APBA2: variants seen among roughly 807,000 people sequenced by gnomAD.
The protein encoded by APBA2 is amyloid beta precursor protein binding family A member 2.
APBA2 carries 30 observed loss-of-function variants against 75.0 expected under a neutral mutation model. That is an observed-to-expected ratio of 0.40 (90% CI 0.30 to 0.54). APBA2 has a LOEUF of 0.54. Among genes scored for constraint, APBA2 ranks in the 20% least tolerant of loss-of-function variants. The pLI, the probability that APBA2 is intolerant of heterozygous loss-of-function variation, is 0.49. For synonymous variants in APBA2, 444 were observed against 409.6 expected (o/e 1.08, Z -1.01); for missense variants, 801 against 1,016.1 (o/e 0.79, Z 2.88).
chr15:29,065,742 T>A (rs1381490649), intron 4 of APBA2, among the ~76,000 whole-genome samples: 1 of 152,138 alleles, frequency 6.6e-6, no homozygotes, highest in Non-Finnish European at 1.5e-5. Flanking sequence ...TGAAGGAAGT[T>A]TGGGCTAGGC....
At chr15:28,916,531 G>A (rs1481010850) in intron 1 of APBA2, among the ~76,000 whole-genome samples, 2 of 152,048 alleles carry the variant, frequency 1.3e-5, no homozygotes, top group Non-Finnish European at 2.9e-5. Context: ...CTCTCTCCCC[G>A]CTCCCCTCCC....
At chr15:28,943,515 G>A (rs17680859) in intron 2 of APBA2, among the ~76,000 whole-genome samples, 17,886 of 152,226 alleles carry the variant, frequency 0.12, 1,133 homozygotes, top group East Asian at 0.23. Flanking sequence ...AATCCTGTTC[G>A]GTGGGTTAGG....
intron 8 of APBA2, among the ~76,000 whole-genome samples, chr15:29,097,375 T>A (rs974549810): frequency 2.6e-5 from 4 of 152,218 alleles, no homozygotes; most frequent in Non-Finnish European, 5.9e-5. Flanking sequence ...CTGGCCCTCC[T>A]CCCTCCCAGG....
chr15:29,111,973 T>C (rs996530394), intron 13 of APBA2, among the ~76,000 whole-genome samples: 1 of 152,090 alleles, frequency 6.6e-6, no homozygotes, highest in Non-Finnish European at 1.5e-5. Context: ...GCCTCTACTT[T>C]CAGGAGCCTG....
In APBA2 at chr15:29,114,028, C is replaced by CT. The variant is rs774668302; in HGVS notation, c.2178+15dup. 1.2e-6 allele frequency: 2 copies of CT among 1,613,710 alleles called. No individual in the cohort carries two copies. The highest frequency in any genetic ancestry group is 2.2e-5 in the East Asian group (1 of 44,880). ...ACTCGGTCGGAGAGGTAAGGAGGGA[C>CT]TTTGAGTGTGCCTCTGCATGCCGGT... On this transcript the variant is annotated intron_variant, in intron 14 of 14. Coordinates refer to ENST00000683413, the MANE Select transcript of APBA2 (RefSeq NM_001353788.2).
intron 3 of APBA2, among the ~76,000 whole-genome samples, chr15:29,013,682 T>G (rs1038852629): frequency 1.3e-5 from 2 of 152,158 alleles, no homozygotes; most frequent in Non-Finnish European, 2.9e-5. Context: ...AGGAAATAAA[T>G]AATGACCTTG....
At chr15:29,069,208 G>C (rs1373102148) in intron 4 of APBA2, among the ~76,000 whole-genome samples, 9 of 152,170 alleles carry the variant, frequency 5.9e-5, no homozygotes, top group African/African-American at 1.9e-4. Flanking sequence ...TTTTGTGGCT[G>C]AATGATATTC....
intron 7 of APBA2, 73 bp downstream of exon 7, chr15:29,093,293 G>A: frequency 6.3e-7 from 1 of 1,578,130 alleles, no homozygotes; most frequent in Non-Finnish European, 8.6e-7. Context: ...GAATATGGCG[G>A]GGCGTAGGCC....
chr15:29,080,031 G>A (rs927075518), intron 6 of APBA2, among the ~76,000 whole-genome samples: 10 of 152,176 alleles, frequency 6.6e-5, no homozygotes, highest in Admixed American at 2.0e-4. Context: ...ATGGCTGTGC[G>A]GGGGACAGAG....
intron 2 of APBA2, among the ~76,000 whole-genome samples, chr15:28,928,938 CTG>C (rs1566807895): frequency 6.6e-6 from 1 of 152,182 alleles, no homozygotes; most frequent in Admixed American, 6.5e-5. Flanking sequence ...CCTGGAGGCT[CTG>C]TTCCAGGTCA....
chr15:29,075,357 C>A (rs2042804752), intron 5 of APBA2, among the ~76,000 whole-genome samples: 1 of 152,196 alleles, frequency 6.6e-6, no homozygotes, highest in South Asian at 2.1e-4. Flanking sequence ...GGTTTCTCAA[C>A]AATGACACCA....
intron 4 of APBA2, among the ~76,000 whole-genome samples, chr15:29,056,893 T>C (rs1167262977): frequency 1.4e-4 from 22 of 152,042 alleles, no homozygotes. Flanking sequence ...GCCGTAGAAT[T>C]CATCTTGAAA....
intron 1 of APBA2, among the ~76,000 whole-genome samples, chr15:28,889,641 T>C (rs1177265403): frequency 5.3e-5 from 8 of 152,316 alleles, no homozygotes; most frequent in Middle Eastern, 3.4e-3. Flanking sequence ...ATGTCCATCC[T>C]GGAGATCCCA....
rs1434245507 is a variant in APBA2 at position 29,054,511 on chromosome 15, C to T, written c.627C>T (p.Pro209=). ...EEANGNTGAS[P]YRLRRGDGDL... ...CCAACGGGAACACCGGCGCCTCCCC[C>T]TACCGCCTGAGGCGTGGGGATGGGG... Residue 209 remains proline (P), a synonymous_variant, in exon 4 of 15, where the codon CCC becomes CCT. Transcript: ENST00000683413. This position sits in a 1 kb window ranked among gnomAD's most constrained non-coding sequence, Gnocchi z 6.1. 4.3e-6 allele frequency: 7 copies of T among 1,613,542 alleles called. No individual in the cohort carries two copies. The South Asian group carries it at 7.7e-5, about 18-fold the overall frequency.
intron 9 of APBA2, among the ~76,000 whole-genome samples, chr15:29,100,034 C>T (rs1231415069): frequency 1.3e-5 from 2 of 152,132 alleles, no homozygotes; most frequent in Non-Finnish European, 2.9e-5. Flanking sequence ...GCTGTTGGGG[C>T]AGAGGAGCTG....
chr15:29,032,059 C>T (rs1450838696), intron 3 of APBA2, among the ~76,000 whole-genome samples: 1 of 152,212 alleles, frequency 6.6e-6, no homozygotes, highest in Non-Finnish European at 1.5e-5. Context: ...GTGTGTAACT[C>T]TGGGCAGGAT....
intron 14 of APBA2, among the ~76,000 whole-genome samples, chr15:29,116,522 G>A (rs1340973138): frequency 6.6e-6 from 1 of 151,888 alleles, no homozygotes; most frequent in African/African-American, 2.4e-5. Context: ...CAGCTACTGA[G>A]GAGGCTGAGG....
intron 4 of APBA2, among the ~76,000 whole-genome samples, chr15:29,064,270 G>A (rs1345791356): frequency 1.3e-5 from 2 of 152,034 alleles, no homozygotes; most frequent in African/African-American, 2.4e-5. Flanking sequence ...TTTCCACCCC[G>A]AATTCACACT....
chr15:28,988,635 C>T (rs1409849383), intron 2 of APBA2, among the ~76,000 whole-genome samples: 1 of 152,202 alleles, frequency 6.6e-6, no homozygotes, highest in East Asian at 1.9e-4. Context: ...GTATTTCATG[C>T]ATTTTCACTG....
Sources: gnomAD v4.1 joint callset for allele counts (sites outside exome capture counted in the v4.1 genomes callset) on GRCh38, gnomAD v4.1.1 for gene constraint, Gnocchi (gnomAD v3.1) non-coding constraint, MANE v1.5 for transcripts, NCBI Gene and HGNC (gene_info 2026-07-23, HGNC 2026-07-21) for gene names.